The following PLEKHH2 variants were observed in gnomAD, a reference collection of about 807,000 sequenced individuals.
PLEKHH2 encodes the protein pleckstrin homology, MyTH4 and FERM domain containing H2, also known as pleckstrin homology domain-containing family H member 2.
A neutral mutation model predicts 187.9 loss-of-function variants in PLEKHH2; 129 were observed. The observed-to-expected ratio is 0.69, with a 90% confidence interval of 0.59 to 0.79. The LOEUF (loss-of-function observed/expected upper bound fraction) is 0.79. Ranked by LOEUF, PLEKHH2 falls within the 30% of genes least tolerant of loss-of-function variation. The pLI is 0.00. For missense variants in PLEKHH2, 2,076 were observed against 1,751.2 expected (o/e 1.19, Z -3.31); for synonymous variants, 686 against 605.6 (o/e 1.13, Z -1.95).
chr2:43,734,153 C>G (rs1015785231), intron 19 of PLEKHH2, among the ~76,000 whole-genome samples: 3 of 152,044 alleles, frequency 2.0e-5, no homozygotes, highest in African/African-American at 7.2e-5. Context: ...TACAATGAGG[C>G]CTAAAGTACT....
rs574576466 is a variant in PLEKHH2, at chr2:43,650,422, T to C, written c.123+5626T>C. Among the ~76,000 whole-genome samples, 23 of 151,488 alleles carry C rather than the reference T, an allele frequency of 1.5e-4. No individual in the cohort carries two copies. In the East Asian group the frequency reaches 4.2e-3, roughly 27 times the overall value. ...TGCTGGGATTACAGACGTGAGCCAC[T>C]GTACCCGGCCATTTCAGGTTTCTTT... is the stretch of plus-strand genomic sequence containing the variant. On this transcript the variant is annotated intron_variant, in intron 2 of 29. Transcript: ENST00000282406.
At position 43,754,200 on chromosome 2, in the gene PLEKHH2, ACACAC is replaced by A. The variant is rs767241294; in HGVS notation, c.3795+441_3795+445del. ...CACACACACACACACACACACACAC[ACACAC>A]AAAATTAATACTGACTTAATCAGAA... is the stretch of plus-strand genomic sequence containing the variant. On this transcript the variant is annotated intron_variant, in intron 25 of 29. Transcript: ENST00000282406. 3.4e-3 allele frequency among the ~76,000 whole-genome samples: 438 copies of A among 129,652 alleles called. 5 individuals are homozygous for A. Among genetic ancestry groups the A allele is most frequent in the African/African-American group, 0.013 (426 of 31,696 alleles). 85.1% of individuals were successfully genotyped at this position (129,652 alleles called of 152,430 possible).
intron 3 of PLEKHH2, among the ~76,000 whole-genome samples, chr2:43,685,333 A>T (rs1285755907): frequency 6.6e-6 from 1 of 152,230 alleles, no homozygotes; most frequent in Non-Finnish European, 1.5e-5. Flanking sequence ...GTAACAATTA[A>T]CTAAATTGTC....
chr2:43,660,798 CTCA>C (rs1291059019), intron 2 of PLEKHH2, among the ~76,000 whole-genome samples: 1 of 92,896 alleles, frequency 1.1e-5, no homozygotes, highest in Non-Finnish European at 2.1e-5. Flanking sequence ...AGGACATGAA[CTCA>C]TCATTTTTTA....
At chr2:43,673,028 TA>T (rs1441128945) in intron 2 of PLEKHH2, among the ~76,000 whole-genome samples, 1 of 152,226 alleles carries the variant, frequency 6.6e-6, no homozygotes, top group Non-Finnish European at 1.5e-5. Flanking sequence ...CACTTATTTT[TA>T]AATATGTCAT....
At position 43,757,140 on chromosome 2, in the gene PLEKHH2, A is replaced by G. The variant is rs759749666; in HGVS notation, c.3817A>G (p.Arg1273Gly). Residue 1273 changes from arginine to glycine, a missense_variant, in exon 26 of 30, where the codon AGA becomes GGA. Coordinates refer to ENST00000282406, the MANE Select transcript of PLEKHH2 (RefSeq NM_172069.4). ...TTAGGTAGAGATTGGAGATTTTGAA[A>G]GACCTTTCTCAACTCCAGCAGGGCA... ...LSQVEIGDFE[R>G]PFSTPAGHVT... 6.3e-7 allele frequency: 1 copy of G among 1,582,640 alleles called. No homozygotes were observed. Among genetic ancestry groups the G allele is most frequent in the South Asian group, 1.2e-5 (1 of 84,356 alleles).
chr2:43,644,056 C>A (rs1666072627), intron 1 of PLEKHH2, among the ~76,000 whole-genome samples: 1 of 152,088 alleles, frequency 6.6e-6, no homozygotes, highest in Admixed American at 6.6e-5. Context: ...GTCAGGATCA[C>A]AACAACTTAC....
intron 2 of PLEKHH2, among the ~76,000 whole-genome samples, chr2:43,651,872 A>G (rs1007627462): frequency 6.6e-6 from 1 of 152,128 alleles, no homozygotes; most frequent in African/African-American, 2.4e-5. Context: ...TGTTCCCTGA[A>G]TTATCTTTCT....
intron 3 of PLEKHH2, chr2:43,692,269 A>G (rs1668836090): frequency 6.6e-6 from 2 of 301,992 alleles, no homozygotes; most frequent in Non-Finnish European, 1.2e-5. Context: ...GGAAACATGT[A>G]CATTACTTTA....
chr2:43,707,588 C>G (rs2104509068), intron 11 of PLEKHH2, 43 bp downstream of exon 11: 5 of 1,600,016 alleles, frequency 3.1e-6, no homozygotes, highest in Middle Eastern at 3.3e-4. Flanking sequence ...CCAGATCATT[C>G]TGAATATTAA....
At position 43,748,754 on chromosome 2, in the gene PLEKHH2, G is replaced by A. The variant is rs535174688; in HGVS notation, c.3653+2791G>A. ...AAGACATTTATGGAGAAGAGGTTCA[G>A]GCATTCTTTTTTTTTTTTTGAGACA... On this transcript the variant is annotated intron_variant, in intron 24 of 29. Coordinates refer to ENST00000282406, the MANE Select transcript of PLEKHH2 (RefSeq NM_172069.4). Among the ~76,000 whole-genome samples the A allele has an allele frequency of 6.6e-4, 92 of 140,224 alleles. No homozygotes were observed. The South Asian group carries it at 0.02, about 31-fold the overall frequency. The allele number at this position is 140,224 out of a possible 152,430, so 92.0% of individuals were successfully genotyped here. A position where few individuals can be genotyped will look rare whatever the true frequency, so the allele number is the denominator to read the frequency against.
chr2:43,660,576 G>A (rs543931599), intron 2 of PLEKHH2, among the ~76,000 whole-genome samples: 6 of 144,020 alleles, frequency 4.2e-5, no homozygotes, highest in East Asian at 2.0e-4. Context: ...CCACTAACTC[G>A]TCATCTAGCA....
chr2:43,734,827 A>G (rs1408542798), intron 19 of PLEKHH2, among the ~76,000 whole-genome samples: 1 of 152,154 alleles, frequency 6.6e-6, no homozygotes, highest in African/African-American at 2.4e-5. Context: ...GTTCACAAGA[A>G]CCGATATATG....
rs1195252395 is a variant in PLEKHH2 at position 43,710,916 on chromosome 2, A to G, written c.2301+341A>G. The G allele has an allele frequency of 3.8e-6, 4 of 1,064,734 alleles. No homozygotes were observed. In the African/African-American group the frequency reaches 5.1e-5, roughly 14 times the overall value. The allele number at this position is 1,064,734 out of a possible 1,614,324, so 66.0% of individuals were successfully genotyped here. A position where few individuals can be genotyped will look rare whatever the true frequency, so the allele number is the denominator to read the frequency against. ...ATGAATTCTCAATAAGATGTTAGTT[A>G]TATAATGTACTGTGAAATTCAGGAA... is the stretch of plus-strand genomic sequence containing the variant. On this transcript the variant is annotated intron_variant, in intron 14 of 29. Transcript: ENST00000282406.
At chr2:43,680,806 A>G in intron 3 of PLEKHH2, 1 of 397,332 alleles carries the variant, frequency 2.5e-6, no homozygotes, top group Non-Finnish European at 4.7e-6. Context: ...TGACACTACC[A>G]ATTATATCTT....
chr2:43,731,017 G>A (rs1671009578), intron 18 of PLEKHH2, among the ~76,000 whole-genome samples: 1 of 152,084 alleles, frequency 6.6e-6, no homozygotes, highest in East Asian at 1.9e-4. Flanking sequence ...AGTAAATTAG[G>A]ACCCAACTCT....
chr2:43,655,229 T>C (rs1455688347), intron 2 of PLEKHH2, among the ~76,000 whole-genome samples: 1 of 151,890 alleles, frequency 6.6e-6, no homozygotes, highest in African/African-American at 2.4e-5. Context: ...ACAAATACTT[T>C]ATAACAGAAT....
At chr2:43,688,711 G>A (rs1668645922) in intron 3 of PLEKHH2, among the ~76,000 whole-genome samples, 1 of 152,170 alleles carries the variant, frequency 6.6e-6, no homozygotes, top group African/African-American at 2.4e-5. Context: ...AAAAGATACA[G>A]ATTAAAATCA....
At chr2:43,727,410 C>CAAAAAAAAAAAAAAAAAAAAAAA (rs57973493) in intron 17 of PLEKHH2, among the ~76,000 whole-genome samples, 1 of 114,842 alleles carries the variant, frequency 8.7e-6, no homozygotes, top group Non-Finnish European at 1.7e-5. Flanking sequence ...GACTCCGTCT[C>CAAAAAAAAAAAAAAAAAAAAAAA]AAAAAAAAAA....
Sources: allele counts gnomAD v4.1 joint callset (sites outside exome capture counted in the v4.1 genomes callset), GRCh38; gene constraint gnomAD v4.1.1; transcripts MANE v1.5; gene names NCBI Gene and HGNC (gene_info 2026-07-23, HGNC 2026-07-21).